The following RELB variants were observed in gnomAD, a reference collection of about 807,000 sequenced individuals.
The protein encoded by RELB is RELB proto-oncogene, NF-kB subunit, also known as transcription factor RelB.
A neutral mutation model predicts 55.4 loss-of-function variants in RELB; 14 were observed. That is an observed-to-expected ratio of 0.25 (90% confidence interval 0.17 to 0.40). RELB has a LOEUF of 0.40. Among genes scored for constraint, RELB ranks in the 10% least tolerant of loss-of-function variants. RELB has a pLI of 1.00. For synonymous variants in RELB, 409 were observed against 371.3 expected (o/e 1.10, Z -1.17); for missense variants, 669 against 830.7 (o/e 0.81, Z 2.39).
rs781169699 is a variant in RELB at position 45,037,688 on chromosome 19, T to C, written c.1638T>C (p.Asp546=). The change falls in exon 12 of 12, where the codon GAT becomes GAC. Residue 546 remains aspartate (D), a synonymous_variant. Transcript: ENST00000221452. ...CGTACCAGGCCCCGGGCCCCGGGGA[T>C]GGAGGCACCGCCAGCCTTGTGGGCA... is the stretch of plus-strand genomic sequence containing the variant. The part of the protein sequence containing the change: ...LDSYQAPGPG[D]GGTASLVGSN... 3.2e-6 allele frequency: 5 copies of C among 1,562,950 alleles called. No homozygotes were observed. The highest frequency in any genetic ancestry group is 3.5e-6 in the Non-Finnish European group (4 of 1,158,748).
intron 7 of RELB, 72 bp downstream of exon 7, chr19:45,025,809 C>A (rs992535123): frequency 7.6e-6 from 12 of 1,584,666 alleles, no homozygotes; most frequent in Non-Finnish European, 1.0e-5. Context: ...CTTACAGAGG[C>A]ATGAATGGCT....
At chr19:45,029,175 C>T (rs1264295098) in intron 8 of RELB, among the ~76,000 whole-genome samples, 183 bp downstream of exon 8, 2 of 152,164 alleles carry the variant, frequency 1.3e-5, no homozygotes, top group African/African-American at 4.8e-5. Context: ...CTCCCTGAGT[C>T]GCCTTCTCAC....
At chr19:45,032,787 G>A in intron 9 of RELB, 38 bp downstream of exon 9, 1 of 1,544,210 alleles carries the variant, frequency 6.5e-7, no homozygotes, top group Non-Finnish European at 8.8e-7. Context: ...CCACCTCGGA[G>A]ACTAGGTCTT....
chr19:45,009,725 C>G, intron 2 of RELB, 89 bp from the exon 3 acceptor site: 1 of 1,467,738 alleles, frequency 6.8e-7, no homozygotes, highest in Non-Finnish European at 9.4e-7. Flanking sequence ...ACAGGAGGGA[C>G]AGGGTTGGGG....
At chr19:45,007,964 G>A (rs1309255142) in intron 2 of RELB, among the ~76,000 whole-genome samples, 1 of 130,810 alleles carries the variant, frequency 7.6e-6, no homozygotes, top group Non-Finnish European at 1.5e-5. Flanking sequence ...AGACTAGCCT[G>A]ACTAACATAG....
intron 4 of RELB, among the ~76,000 whole-genome samples, chr19:45,019,130 A>G (rs1258172239): frequency 6.6e-6 from 1 of 152,058 alleles, no homozygotes; most frequent in Non-Finnish European, 1.5e-5. Flanking sequence ...TGACGCCATC[A>G]CAGCTCACTG....
intron 11 of RELB, 66 bp from the exon 12 acceptor site, chr19:45,037,339 G>T: frequency 7.0e-5 from 95 of 1,355,170 alleles, no homozygotes; most frequent in Non-Finnish European, 9.1e-5. Flanking sequence ...TAGGGCATTT[G>T]ATTTAGGGCC....
In RELB at chr19:45,025,517, T is replaced by C. The variant is rs926614374; in HGVS notation, c.755-89T>C. 24 of 1,574,716 alleles carry C rather than the reference T, an allele frequency of 1.5e-5. No homozygotes were observed. The East Asian group carries it at 5.0e-4, about 33-fold the overall frequency. ...CCTCACCACTCCAGGCCCCACCGTCTCCTCCAGCCCCATCCCTTCCCCGTT... is the reference window on the plus strand; with the variant it reads ...CCTCACCACTCCAGGCCCCACCGTCCCCTCCAGCCCCATCCCTTCCCCGTT... On this transcript the variant is annotated intron_variant, in intron 6 of 11. Coordinates refer to ENST00000221452, the MANE Select transcript of RELB (RefSeq NM_006509.4).
At chr19:45,034,020 G>T (rs909258980) in intron 9 of RELB, among the ~76,000 whole-genome samples, 4 of 151,778 alleles carry the variant, frequency 2.6e-5, no homozygotes, top group Non-Finnish European at 5.9e-5. Context: ...TTAGCTGGGC[G>T]TGGTGGCGCA....
Position 45,001,544 on chromosome 19 carries a change from G to C in RELB, c.-36G>C, listed in dbSNP as rs1600057409. On this transcript the variant is annotated 5_prime_UTR_variant, in exon 1 of 12. Transcript: ENST00000221452. ...TCGTCCGACCCGCGATCGTCCACCA[G>C]ACCGTGCCTCCCGGCCGCCCGGCCG... 2 of 1,299,026 alleles carry C rather than the reference G, an allele frequency of 1.5e-6. No individual in the cohort carries two copies. Among genetic ancestry groups the C allele is most frequent in the Admixed American group, 5.8e-5 (2 of 34,192 alleles). The allele number at this position is 1,299,026 out of a possible 1,614,324, so 80.5% of individuals were successfully genotyped here. A position where few individuals can be genotyped will look rare whatever the true frequency, so the allele number is the denominator to read the frequency against.
In RELB at chr19:45,012,274, G is replaced by A; in HGVS notation, c.502G>A (p.Glu168Lys). Residue 168 changes from glutamate to lysine, a missense_variant and splice_region_variant, in exon 4 of 12, where the codon GAG becomes AAG. Coordinates refer to ENST00000221452, the MANE Select transcript of RELB (RefSeq NM_006509.4). ...TEASKTLPAI[E>K]LRDCGGLREV... The stretch of plus-strand genomic sequence containing the variant: ...GGCCAGCAAGACGCTGCCCGCCATC[G>A]AGGTGGGCCCGGCGAGCGGCCCCGG... The A allele has an allele frequency of 7.1e-7, 1 of 1,407,318 alleles. No homozygotes were observed. The highest frequency in any genetic ancestry group is 9.2e-7 in the Non-Finnish European group (1 of 1,087,672). The allele number at this position is 1,407,318 out of a possible 1,614,324, so 87.2% of individuals were successfully genotyped here. A position where few individuals can be genotyped will look rare whatever the true frequency, so the allele number is the denominator to read the frequency against.
intron 11 of RELB, among the ~76,000 whole-genome samples, chr19:45,035,242 C>A (rs905794235): frequency 6.6e-6 from 1 of 152,022 alleles, no homozygotes; most frequent in African/African-American, 2.4e-5. Flanking sequence ...TCTGTAGGGA[C>A]TGAAAGTGGC....
At chr19:45,003,111 C>T (rs1271169584) in intron 2 of RELB, 115 bp downstream of exon 2, 4 of 978,014 alleles carry the variant, frequency 4.1e-6, no homozygotes, top group Non-Finnish European at 6.2e-6. Flanking sequence ...TTTCTCCTGA[C>T]AGGGTGCATC....
intron 2 of RELB, among the ~76,000 whole-genome samples, chr19:45,006,142 G>T (rs1008684831): frequency 6.6e-6 from 1 of 152,138 alleles, no homozygotes; most frequent in African/African-American, 2.4e-5. Context: ...GAAACCTTGG[G>T]GTCAATGATA....
At position 45,025,759 on chromosome 19, in the gene RELB, C is replaced by T. The variant is rs370811600; in HGVS notation, c.886+22C>T. The T allele has an allele frequency of 2.9e-5, 46 of 1,613,434 alleles. No individual in the cohort carries two copies. In the African/African-American group the frequency reaches 3.5e-4, roughly 12 times the overall value. On this transcript the variant is annotated intron_variant, in intron 7 of 11. Transcript: ENST00000221452. ...AAGAGTGAGTTGAGAGTGCTGTGGC[C>T]GTTAGGATTGCCCTTGGCTGCAGGT...
intron 11 of RELB, among the ~76,000 whole-genome samples, chr19:45,037,165 C>A (rs1423150211): frequency 6.6e-6 from 1 of 151,878 alleles, no homozygotes; most frequent in East Asian, 1.9e-4. Context: ...CCTGTAGTTC[C>A]AGCTACTCAG....
chr19:45,009,943 C>T, intron 3 of RELB, 121 bp downstream of exon 3: 1 of 1,014,698 alleles, frequency 9.9e-7, no homozygotes, highest in Non-Finnish European at 1.5e-6. Flanking sequence ...ACTTCCAGGA[C>T]TGTGGAGGGA....
rs1187935163 is a variant in RELB, at chr19:45,012,115, G to A, written c.343G>A (p.Val115Met). Residue 115 changes from valine (V) to methionine (M), a missense_variant, in exon 4 of 12, where the codon GTG becomes ATG. Transcript: ENST00000221452. Reference protein sequence around the residue: ...PPWGCPLGRLVSPAPGPGPQP... With the variant: ...PPWGCPLGRLMSPAPGPGPQP... ...TTGGGGCTGCCCCCTGGGCCGACTA[G>A]TGTCCCCAGCGCCGGGCCCGGGCCC... 6.4e-7 allele frequency: 1 copy of A among 1,560,100 alleles called. No individual in the cohort carries two copies. The highest frequency in any genetic ancestry group is 8.6e-7 in the Non-Finnish European group (1 of 1,160,850).
chr19:45,009,894 C>G (rs1330027386), intron 3 of RELB, 72 bp downstream of exon 3: 3 of 527,210 alleles, frequency 5.7e-6, no homozygotes, highest in East Asian at 9.0e-5. Flanking sequence ...TCTTGGCCTT[C>G]CTTGTTCAGT....
Sources: allele counts gnomAD v4.1 joint callset (sites outside exome capture counted in the v4.1 genomes callset), GRCh38; gene constraint gnomAD v4.1.1; transcripts MANE v1.5; gene names NCBI Gene and HGNC (gene_info 2026-07-23, HGNC 2026-07-21).